The following SLC10A7 variants were observed in gnomAD, a reference collection of about 807,000 sequenced individuals.
The protein encoded by SLC10A7 is solute carrier family 10 member 7.
A neutral mutation model predicts 43.2 loss-of-function variants in SLC10A7; 29 were observed. That is an observed-to-expected ratio of 0.67 (90% CI 0.50 to 0.92). SLC10A7 has a LOEUF of 0.92. Among genes scored for constraint, SLC10A7 ranks in the 40% least tolerant of loss-of-function variants. The probability of loss-of-function intolerance (pLI) is 0.00; values close to 1 mark genes in which losing one functional copy is unlikely to be tolerated. For missense variants in SLC10A7, 295 were observed against 403.2 expected, an observed-to-expected ratio of 0.73 and a Z score of 2.30; for synonymous variants, 152 against 144.8, an observed-to-expected ratio of 1.05 and a Z score of -0.35.
rs1415534392 is a variant in SLC10A7 at position 146,356,503 on chromosome 4, C to T, written c.436-30507G>A. Among the ~76,000 whole-genome samples, 8 of 151,836 alleles carry T rather than the reference C, an allele frequency of 5.3e-5. No homozygotes were observed. In the South Asian group the frequency reaches 1.5e-3, roughly 28 times the overall value. ...GCATTCTACTCTTTTACCTTCTTCCCCTAGATCTTCCTCCCTCACTTACTC... is the reference window on the plus strand; with the variant it reads ...GCATTCTACTCTTTTACCTTCTTCCTCTAGATCTTCCTCCCTCACTTACTC... On this transcript the variant is annotated intron_variant, in intron 5 of 11. Transcript: ENST00000335472.
At chr4:146,482,459 A>G (rs975173625) in intron 4 of SLC10A7, among the ~76,000 whole-genome samples, 17 of 152,132 alleles carry the variant, frequency 1.1e-4, no homozygotes, top group African/African-American at 4.1e-4. Flanking sequence ...GAAGCTGAAG[A>G]CTTCAATCAA....
chr4:146,321,491 C>T (rs1732703186), intron 6 of SLC10A7, among the ~76,000 whole-genome samples: 1 of 152,130 alleles, frequency 6.6e-6, no homozygotes, highest in African/African-American at 2.4e-5. Flanking sequence ...CCAAACAAGA[C>T]CACATTCTGA....
At chr4:146,521,178 G>A (rs951628432) in intron 1 of SLC10A7, among the ~76,000 whole-genome samples, 11 of 151,978 alleles carry the variant, frequency 7.2e-5, no homozygotes, top group Non-Finnish European at 2.9e-5. Flanking sequence ...AGTTGGGGGC[G>A]GAGGTGTCCC....
chr4:146,371,750 A>C (rs1350715729), intron 5 of SLC10A7, among the ~76,000 whole-genome samples: 1 of 152,130 alleles, frequency 6.6e-6, no homozygotes, highest in Non-Finnish European at 1.5e-5. Context: ...TTGAGGATTA[A>C]ATGGAGATTT....
intron 5 of SLC10A7, among the ~76,000 whole-genome samples, chr4:146,396,351 T>C (rs1036227843): frequency 2.0e-5 from 3 of 152,294 alleles, no homozygotes; most frequent in Non-Finnish European, 4.4e-5. Context: ...AATAAAAATT[T>C]TCCTTCAAGT....
intron 4 of SLC10A7, among the ~76,000 whole-genome samples, chr4:146,490,544 G>A (rs538459841): frequency 1.3e-5 from 2 of 152,256 alleles, no homozygotes; most frequent in East Asian, 3.9e-4. Context: ...TATTTGAGAA[G>A]GTGTACCATT....
intron 7 of SLC10A7, among the ~76,000 whole-genome samples, chr4:146,301,928 A>G (rs935668453): frequency 1.3e-5 from 2 of 152,240 alleles, no homozygotes; most frequent in African/African-American, 4.8e-5. Flanking sequence ...CTACCTTTTG[A>G]CTACCATTAT....
At chr4:146,455,650 T>C (rs920373655) in intron 4 of SLC10A7, among the ~76,000 whole-genome samples, 6 of 151,850 alleles carry the variant, frequency 4.0e-5, no homozygotes, top group African/African-American at 1.4e-4. Flanking sequence ...TAACTTACCA[T>C]AGATTCACAG....
intron 2 of SLC10A7, 147 bp downstream of exon 2, chr4:146,516,891 A>G: frequency 1.7e-6 from 1 of 582,800 alleles, no homozygotes; most frequent in Non-Finnish European, 3.0e-6. Flanking sequence ...AATGAAACAC[A>G]AGTCCTTTGC....
intron 5 of SLC10A7, among the ~76,000 whole-genome samples, chr4:146,356,802 C>T (rs944167444): frequency 1.1e-4 from 17 of 152,156 alleles, no homozygotes; most frequent in Admixed American, 4.6e-4. Flanking sequence ...AACAAGCCTT[C>T]AATAAACTTG....
chr4:146,426,019 A>G (rs1729327403), intron 5 of SLC10A7, among the ~76,000 whole-genome samples: 1 of 152,206 alleles, frequency 6.6e-6, no homozygotes, highest in South Asian at 2.1e-4. Flanking sequence ...AGGTCTCTCA[A>G]ATTATTTTTT....
chr4:146,280,955 A>G (rs1269770946), intron 10 of SLC10A7, among the ~76,000 whole-genome samples: 1 of 152,138 alleles, frequency 6.6e-6, no homozygotes, highest in Non-Finnish European at 1.5e-5. Context: ...TAATTCCAAG[A>G]CAGCCTATGT....
Position 146,271,998 on chromosome 4 carries a change from C to T in SLC10A7, c.847+11194G>A, listed in dbSNP as rs575492231. On this transcript the variant is annotated intron_variant, in intron 10 of 11. Transcript: ENST00000335472. ...CTTTTTCTCCATTGCTTACCACCATCTGATGTCCTGTATATTCAAGTGTCT... is the reference window on the plus strand; with the variant it reads ...CTTTTTCTCCATTGCTTACCACCATTTGATGTCCTGTATATTCAAGTGTCT... 8.5e-5 allele frequency among the ~76,000 whole-genome samples: 13 copies of T among 152,294 alleles called. 1 individual carries two copies. The South Asian group carries it at 2.7e-3, about 32-fold the overall frequency.
intron 4 of SLC10A7, among the ~76,000 whole-genome samples, chr4:146,472,348 C>T (rs1733639403): frequency 6.6e-6 from 1 of 151,644 alleles, no homozygotes; most frequent in South Asian, 2.1e-4. Flanking sequence ...ATAAGAAGAA[C>T]TTTCTAATAA....
chr4:146,418,797 G>T (rs1480475138), intron 5 of SLC10A7, among the ~76,000 whole-genome samples: 1 of 152,126 alleles, frequency 6.6e-6, no homozygotes, highest in African/African-American at 2.4e-5. Context: ...AAAGGTGGGG[G>T]CTCAGTCCCA....
chr4:146,264,723 T>C (rs1021807312), intron 10 of SLC10A7, among the ~76,000 whole-genome samples: 1 of 152,204 alleles, frequency 6.6e-6, no homozygotes, highest in Admixed American at 6.5e-5. Flanking sequence ...GCTTACCTAC[T>C]TTCTACCACC....
chr4:146,311,900 A>ACGG (rs761255204), intron 6 of SLC10A7, among the ~76,000 whole-genome samples: 1 of 152,164 alleles, frequency 6.6e-6, no homozygotes, highest in Non-Finnish European at 1.5e-5. Flanking sequence ...TATACACGAT[A>ACGG]TAGTTCAGCT....
chr4:146,429,483 A>G (rs182636561), intron 5 of SLC10A7, among the ~76,000 whole-genome samples: 248 of 152,304 alleles, frequency 1.6e-3, no homozygotes, highest in Admixed American at 3.4e-3. Flanking sequence ...AGGAAAACAA[A>G]CACCTGCCTT....
intron 5 of SLC10A7, among the ~76,000 whole-genome samples, chr4:146,383,288 T>C (rs987861392): frequency 6.6e-6 from 1 of 152,128 alleles, no homozygotes; most frequent in Non-Finnish European, 1.5e-5. Flanking sequence ...AGCAGGAGAA[T>C]AGGGTCTAGG....
Sources: gnomAD v4.1 joint callset for allele counts (sites outside exome capture counted in the v4.1 genomes callset) on GRCh38, gnomAD v4.1.1 for gene constraint, MANE v1.5 for transcripts, NCBI Gene and HGNC (gene_info 2026-07-23, HGNC 2026-07-21) for gene names.